The following OVCH1 variants were observed in gnomAD, a reference collection of about 807,000 sequenced individuals.
The protein encoded by OVCH1 is ovochymase-1.
OVCH1 carries 139 observed loss-of-function variants against 138.4 expected under a neutral mutation model. The observed-to-expected ratio is 1.00, with a 90% CI of 0.87 to 1.16. The LOEUF is 1.16. OVCH1 is among the 50% of genes most tolerant of loss of function. OVCH1 has a pLI of 0.00. For missense variants in OVCH1, 1,367 were observed against 1,357.9 expected (o/e 1.01, Z -0.11); for synonymous variants, 453 against 467.8 (o/e 0.97, Z 0.41).
chr12:29,474,975 T>G, intron 14 of OVCH1, 86 bp downstream of exon 14: 1 of 1,405,178 alleles, frequency 7.1e-7, no homozygotes, highest in Non-Finnish European at 9.6e-7. Context: ...ATTGCTATAC[T>G]ACATTGAGGT....
chr12:29,451,411 A>G (rs375923209), exon 22 of OVCH1: 11 of 1,613,070 alleles, frequency 6.8e-6, no homozygotes, highest in Non-Finnish European at 9.3e-6. Flanking sequence ...CACACAGGAG[A>G]CCCCAGGAGT....
At chr12:29,457,761 G>A (rs1000694949) in intron 19 of OVCH1, among the ~76,000 whole-genome samples, 5 of 152,030 alleles carry the variant, frequency 3.3e-5, no homozygotes, top group Non-Finnish European at 5.9e-5. Flanking sequence ...CAGACATACC[G>A]AGTAAGACAG....
intron 3 of OVCH1, among the ~76,000 whole-genome samples, chr12:29,418,183 C>T (rs1433388298): frequency 6.6e-6 from 1 of 152,146 alleles, no homozygotes; most frequent in Non-Finnish European, 1.5e-5. Context: ...GCTAAATAAC[C>T]TGCCCAAGAT....
intron 6 of OVCH1, among the ~76,000 whole-genome samples, chr12:29,489,283 T>C (rs1039299699): frequency 6.6e-6 from 1 of 152,182 alleles, no homozygotes; most frequent in African/African-American, 2.4e-5. Flanking sequence ...CCACAATGCT[T>C]AACAATATGT....
chr12:29,410,931 G>A (rs146749983), downstream of OVCH1, among the ~76,000 whole-genome samples: 647 of 152,002 alleles, frequency 4.3e-3, 6 homozygotes, highest in African/African-American at 0.014. Flanking sequence ...CATTCTCCCC[G>A]TCACCTTCAG....
At chr12:29,450,031 G>T (rs1941737535) in intron 22 of OVCH1, among the ~76,000 whole-genome samples, 1 of 152,120 alleles carries the variant, frequency 6.6e-6, no homozygotes, top group Non-Finnish European at 1.5e-5. Context: ...ATGGATTAAA[G>T]ACTTAAACGT....
downstream of OVCH1, chr12:29,423,335 T>C (rs915836169): frequency 4.4e-6 from 2 of 453,940 alleles, no homozygotes; most frequent in Non-Finnish European, 8.8e-6. Context: ...TAAAGTACTT[T>C]TTCTGTGCAA....
At chr12:29,406,521 G>A in the OVCH1 span, among the ~76,000 whole-genome samples, 55 of 75,136 alleles carry the variant, frequency 7.3e-4, no homozygotes, top group East Asian at 0.019. Context: ...TGTTCTCATT[G>A]TTCAGTTCCC....
downstream of OVCH1, among the ~76,000 whole-genome samples, chr12:29,409,953 G>T (rs904717454): frequency 6.6e-6 from 1 of 152,108 alleles, no homozygotes; most frequent in Admixed American, 6.5e-5. Flanking sequence ...AAGTTTCTTT[G>T]TAGGTCACTC....
rs557036514 is a variant in OVCH1, at chr12:29,484,290, A to G, written c.995+1956T>C. ...AGTATTACCATGATCATAGAAATAAATGTGACAGAATTAATCACTAAATCC... is the reference window on the plus strand; with the variant it reads ...AGTATTACCATGATCATAGAAATAAGTGTGACAGAATTAATCACTAAATCC... On this transcript the variant is annotated intron_variant, in intron 8 of 27. Coordinates refer to ENST00000318184, the Ensembl canonical transcript of OVCH1. Among the ~76,000 whole-genome samples the G allele has an allele frequency of 2.0e-5, 3 of 152,358 alleles. No individual in the cohort carries two copies. The South Asian group carries it at 6.2e-4, about 32-fold the overall frequency.
downstream of OVCH1, among the ~76,000 whole-genome samples, chr12:29,410,468 T>C (rs1312522435): frequency 6.7e-6 from 1 of 149,550 alleles, no homozygotes; most frequent in East Asian, 2.0e-4. Context: ...TTTCCATGTT[T>C]AGTGCTTCCT....
At chr12:29,497,366 A>G (rs1565620091) in intron 1 of OVCH1, among the ~76,000 whole-genome samples, 1 of 152,130 alleles carries the variant, frequency 6.6e-6, no homozygotes, top group Non-Finnish European at 1.5e-5. Flanking sequence ...TCCTTGGAGG[A>G]GGCTCCTTAG....
At chr12:29,456,650 A>G (rs1941959644) in intron 19 of OVCH1, among the ~76,000 whole-genome samples, 1 of 152,228 alleles carries the variant, frequency 6.6e-6, no homozygotes, top group Non-Finnish European at 1.5e-5. Flanking sequence ...TTGAGGTTCA[A>G]TGTGAAAATC....
chr12:29,425,601 G>A (rs551998096), downstream of OVCH1, among the ~76,000 whole-genome samples: 37 of 152,222 alleles, frequency 2.4e-4, no homozygotes, highest in East Asian at 9.7e-4. Context: ...ACTTATTAGC[G>A]ATGTCACTGG....
Position 29,433,841 on chromosome 12 carries a change from G to A in OVCH1, c.3265-28C>T, listed in dbSNP as rs540312460. 67 of 1,357,848 alleles carry A rather than the reference G, an allele frequency of 4.9e-5. 1 individual carries two copies. In the South Asian group the frequency reaches 9.2e-4, roughly 19 times the overall value. 84.1% of individuals were successfully genotyped at this position (1,357,848 alleles called of 1,614,324 possible). A position where few individuals can be genotyped will look rare whatever the true frequency, so the allele number is the denominator to read the frequency against. On this transcript the variant is annotated intron_variant, in intron 26 of 27. Coordinates refer to ENST00000318184, the Ensembl canonical transcript of OVCH1. The stretch of plus-strand genomic sequence containing the variant: ...AAAATTAAGTAAAATGTTTTTAATG[G>A]AAATGCCTCCCAAACTGTATTTCAA...
intron 2 of OVCH1, 67 bp from the exon 3 acceptor site, chr12:29,496,345 A>G: frequency 7.6e-7 from 1 of 1,318,476 alleles, no homozygotes; most frequent in African/African-American, 1.5e-5. Context: ...CATCGGAAAC[A>G]CTGGAGATCA....
chr12:29,488,620 C>CAAAAATAAAAAAAAAAAAAAAAA (rs1943183325), intron 6 of OVCH1, among the ~76,000 whole-genome samples: 1 of 61,754 alleles, frequency 1.6e-5, no homozygotes, highest in East Asian at 5.4e-4. Flanking sequence ...GACTCCATCT[C>CAAAAATAAAAAAAAAAAAAAAAA]AAAAAAAAAA....
chr12:29,409,882 C>T (rs7487857), downstream of OVCH1, among the ~76,000 whole-genome samples: 47,011 of 151,904 alleles, frequency 0.31, 8,587 homozygotes, highest in Middle Eastern at 0.52. Context: ...TCTGTCTCAT[C>T]GATCTGTCTA....
downstream of OVCH1, among the ~76,000 whole-genome samples, chr12:29,426,502 A>G (rs1191084602): frequency 2.0e-5 from 3 of 152,230 alleles, no homozygotes; most frequent in African/African-American, 2.4e-5. Context: ...CAAGAGTTCT[A>G]TCTCTAGCTA....
Sources: gnomAD v4.1 joint callset for allele counts (sites outside exome capture counted in the v4.1 genomes callset) on GRCh38, gnomAD v4.1.1 for gene constraint, MANE v1.5 for transcripts, NCBI Gene and HGNC (gene_info 2026-07-23, HGNC 2026-07-21) for gene names.